Variants in MYH7 observed in about 807,000 individuals in gnomAD.
The protein encoded by MYH7 is myosin-7.
MYH7 carries 129 observed loss-of-function variants against 225.4 expected under a neutral mutation model. The observed-to-expected ratio is 0.57, with a 90% CI of 0.50 to 0.66. The LOEUF (loss-of-function observed/expected upper bound fraction) is 0.66. Ranked by LOEUF, MYH7 falls within the 30% of genes least tolerant of loss-of-function variation. MYH7 has a pLI of 0.00. For synonymous variants in MYH7, 971 were observed against 1,007.6 expected (o/e 0.96, Z 0.69); for missense variants, 1,649 against 2,517.0 (o/e 0.66, Z 7.38).
At chr14:23,417,814 C>A in intron 30 of MYH7, 128 bp from the exon 31 acceptor site, 1 of 1,307,922 alleles carries the variant, frequency 7.6e-7, no homozygotes, top group Non-Finnish European at 1.1e-6. Context: ...AGCCTGAGGA[C>A]AGGTCCCAGG....
intron 39 of MYH7, among the ~76,000 whole-genome samples, 197 bp downstream of exon 39, chr14:23,413,562 G>A (rs969258484): frequency 1.8e-4 from 21 of 114,384 alleles, no homozygotes; most frequent in South Asian, 1.5e-3. Context: ...GTGAGACACC[G>A]TCTCAAAAAA....
Position 23,423,656 on chromosome 14 carries a change from T to G in MYH7, c.2990A>C (p.Lys997Thr). The part of the protein sequence containing the change: ...EIIAKLTKEK[K>T]ALQEAHQQAL... Reference sequence around the variant, plus strand: ...CTGTTGGTGGGCCTCTTGCAGAGCTTTCTTCTCCTTGGTCAGCTTGGCAAT... The same window carrying G: ...CTGTTGGTGGGCCTCTTGCAGAGCTGTCTTCTCCTTGGTCAGCTTGGCAAT... The change falls in exon 24 of 40, where the codon AAA becomes ACA. Residue 997 changes from lysine to threonine, a missense_variant. Transcript: ENST00000355349. 1 of 1,614,114 alleles carries G rather than the reference T, an allele frequency of 6.2e-7. No homozygotes were observed. The highest frequency in any genetic ancestry group is 8.5e-7 in the Non-Finnish European group (1 of 1,180,020).
chr14:23,416,369 G>T (rs899401418), intron 33 of MYH7, 57 bp from the exon 34 acceptor site: 39 of 1,553,132 alleles, frequency 2.5e-5, no homozygotes, highest in Admixed American at 5.3e-5. Context: ...AGGGCAGGGT[G>T]GGGGCCTGCT....
At position 23,428,480 on chromosome 14, in the gene MYH7, T is replaced by A. The variant is rs1555338228; in HGVS notation, c.1578+20A>T. ...GTTGGGTGTGCAGGGAGAATTCAGG[T>A]GGTAAGGCCAAAGAGGCACCTTCTC... On this transcript the variant is annotated intron_variant, in intron 15 of 39. Coordinates refer to ENST00000355349, the MANE Select transcript of MYH7 (RefSeq NM_000257.4). The A allele has an allele frequency of 1.2e-5, 20 of 1,614,072 alleles. No homozygotes were observed. Among genetic ancestry groups the A allele is most frequent in the Admixed American group, 1.7e-5 (1 of 60,018 alleles).
At chr14:23,426,964 T>A in intron 17 of MYH7, 100 bp from the exon 18 acceptor site, 6 of 1,012,560 alleles carry the variant, frequency 5.9e-6, no homozygotes, top group Non-Finnish European at 9.1e-6. Flanking sequence ...ATGGAGAGAA[T>A]TCGAGAAGTC....
At chr14:23,429,179 T>G in intron 13 of MYH7, 50 bp downstream of exon 13, 1 of 1,613,788 alleles carries the variant, frequency 6.2e-7, no homozygotes, top group African/African-American at 1.3e-5. Context: ...CATCCCACCA[T>G]GCCAGTCTCC....
At chr14:23,417,057 C>G in intron 32 of MYH7, 65 bp from the exon 33 acceptor site, 1 of 1,614,056 alleles carries the variant, frequency 6.2e-7, no homozygotes. Context: ...GAGGGACACG[C>G]CTCTTTGCCC....
At position 23,430,632 on chromosome 14, in the gene MYH7, A is replaced by G. The variant is rs2138679352; in HGVS notation, c.927T>C (p.Asp309=). ...DMLLITNNPY[D]YAFISQGETT... is the part of the protein sequence containing the mutation. Reference sequence around the variant, plus strand: ...TCTCTCCTTGGGAGATGAATGCATAATCGTAGGGGTTGTTGGTGATCAGCA... The same window carrying G: ...TCTCTCCTTGGGAGATGAATGCATAGTCGTAGGGGTTGTTGGTGATCAGCA... The change falls in exon 11 of 40, where the codon GAT becomes GAC. Residue 309 remains aspartate (D), a synonymous_variant. Coordinates refer to ENST00000355349, the MANE Select transcript of MYH7 (RefSeq NM_000257.4). The G allele has an allele frequency of 6.2e-7, 1 of 1,614,034 alleles. No individual in the cohort carries two copies. Among genetic ancestry groups the G allele is most frequent in the Non-Finnish European group, 8.5e-7 (1 of 1,179,968 alleles).
At position 23,431,223 on chromosome 14, in the gene MYH7, G is replaced by A. The variant is rs565668787; in HGVS notation, c.796+195C>T. 4.6e-5 allele frequency among the ~76,000 whole-genome samples: 7 copies of A among 152,264 alleles called. No homozygotes were observed. The South Asian group carries it at 1.5e-3, about 32-fold the overall frequency. ...AGAGAAAGACACCTAGCCATGCAGA[G>A]ACAGAAATGGAGAAAGATGCAGAGG... On this transcript the variant is annotated intron_variant, in intron 9 of 39. Transcript: ENST00000355349.
At chr14:23,413,925 G>C (rs775523172) in intron 38 of MYH7, 32 bp from the exon 39 acceptor site, 1 of 1,614,234 alleles carries the variant, frequency 6.2e-7, no homozygotes, top group South Asian at 1.1e-5. Flanking sequence ...GGTGAGAGGG[G>C]GCCTGGGTTC....
Position 23,428,516 on chromosome 14 carries a change from A to G in MYH7, c.1562T>C (p.Ile521Thr), listed in dbSNP as rs727504328. Residue 521 changes from isoleucine (I) to threonine (T), a missense_variant, in exon 15 of 40, where the codon ATT (isoleucine) becomes ACT (threonine). Coordinates refer to ENST00000355349, the MANE Select transcript of MYH7 (RefSeq NM_000257.4). ...IDFGMDLQAC[I>T]DLIEKPMGIM... Reference sequence around the variant, plus strand: ...AAGAGGCACCTTCTCGATGAGGTCAATGCAGGCCTGCAGGTCCATGCCAAA... The same window carrying G: ...AAGAGGCACCTTCTCGATGAGGTCAGTGCAGGCCTGCAGGTCCATGCCAAA... 2.5e-6 allele frequency: 4 copies of G among 1,614,222 alleles called. No individual in the cohort carries two copies. The highest frequency in any genetic ancestry group is 1.1e-5 in the South Asian group (1 of 91,086).
intron 18 of MYH7, among the ~76,000 whole-genome samples, 193 bp downstream of exon 18, chr14:23,426,584 A>G (rs1387332150): frequency 2.0e-5 from 3 of 152,226 alleles, no homozygotes; most frequent in Admixed American, 6.5e-5. Context: ...TGCCTTACAC[A>G]TCACCCTCAT....
intron 13 of MYH7, 38 bp from the exon 14 acceptor site, chr14:23,429,142 G>T (rs1287535553): frequency 1.9e-6 from 3 of 1,613,968 alleles, no homozygotes; most frequent in Admixed American, 1.7e-5. Flanking sequence ...GAGCAGGGTT[G>T]TTGGGAAGAG....
chr14:23,431,395 C>A (rs796384457), intron 9 of MYH7, 23 bp downstream of exon 9: 23 of 1,611,836 alleles, frequency 1.4e-5, no homozygotes, highest in Non-Finnish European at 2.0e-5. Flanking sequence ...TTAGGCTGAG[C>A]CTAGCAGATT....
chr14:23,431,540 C>T (rs779278643), intron 8 of MYH7, 45 bp downstream of exon 8: 7 of 1,613,756 alleles, frequency 4.3e-6, no homozygotes, highest in Non-Finnish European at 5.9e-6. Context: ...TGAGACCATT[C>T]CTCCACCAGT....
At chr14:23,424,653 C>T in intron 22 of MYH7, 116 bp downstream of exon 22, 1 of 1,557,382 alleles carries the variant, frequency 6.4e-7, no homozygotes, top group Non-Finnish European at 8.7e-7. Flanking sequence ...AGTGTTGATC[C>T]CAGAGTCCTC....
chr14:23,419,969 G>C lies in MYH7; in HGVS notation c.3602C>G (p.Ala1201Gly). ...ALRKKHADSVAELGEQIDNLQ... is the reference protein window; with the variant it reads ...ALRKKHADSVGELGEQIDNLQ... ...GTTGTCGATCTGCTCGCCCAGCTCG[G>C]CCACGCTGTCGGCGTGCTTCTTGCG... Residue 1201 changes from alanine to glycine, a missense_variant, in exon 27 of 40, where the codon GCC (alanine) becomes GGC (glycine). By Grantham distance (60) the Ala-to-Gly change is moderately conservative. This residue lies in a region of MYH7 where 106 missense variants were observed against 198.8 expected (regional missense o/e 0.53). Transcript: ENST00000355349. 2 of 1,606,146 alleles carry C rather than the reference G, an allele frequency of 1.2e-6. No homozygotes were observed. Among genetic ancestry groups the C allele is most frequent in the African/African-American group, 2.7e-5 (2 of 74,700 alleles).
At chr14:23,412,946 G>A (rs1892033138) in intron 39 of MYH7, 75 bp from the exon 40 acceptor site, 2 of 1,476,988 alleles carry the variant, frequency 1.4e-6, no homozygotes, top group Non-Finnish European at 9.4e-7. Flanking sequence ...GGGAACAAAG[G>A]TGAGAGGGGT....
In MYH7 at chr14:23,412,746, T is replaced by A; in HGVS notation, c.*108A>T. The A allele has an allele frequency of 7.3e-7, 1 of 1,366,420 alleles. No homozygotes were observed. Among genetic ancestry groups the A allele is most frequent in the Non-Finnish European group, 1.0e-6 (1 of 962,644 alleles). 84.6% of individuals were successfully genotyped at this position (1,366,420 alleles called of 1,614,324 possible). ...AGAGTCTGGAGTCAGGATCTCGGCT[T>A]CAAGGAAAATTGCTTTATTCTGCTT... On this transcript the variant is annotated 3_prime_UTR_variant, in exon 40 of 40. Transcript: ENST00000355349.
Sources: gnomAD v4.1 joint callset for allele counts (sites outside exome capture counted in the v4.1 genomes callset) on GRCh38, gnomAD v4.1.1 for gene constraint, gnomAD v4.1.1 regional missense constraint, MANE v1.5 for transcripts, NCBI Gene and HGNC (gene_info 2026-07-23, HGNC 2026-07-21) for gene names.